The following MYOF variants were observed in gnomAD, a reference collection of about 807,000 sequenced individuals.
MYOF encodes myoferlin, also known as fer-1-like 3, myoferlin.
A neutral mutation model predicts 284.2 loss-of-function variants in MYOF; 244 were observed. The ratio of observed to expected loss-of-function variants is 0.86; its 90% CI spans 0.77 to 0.95. The LOEUF is 0.95. MYOF is among the 40% of genes least tolerant of loss of function. The pLI is 0.00. For missense variants in MYOF, 2,496 were observed against 2,560.6 expected, an observed-to-expected ratio of 0.97 and a Z score of 0.54; for synonymous variants, 904 against 919.7, an observed-to-expected ratio of 0.98 and a Z score of 0.31.
intron 3 of MYOF, among the ~76,000 whole-genome samples, chr10:93,437,744 A>C (rs1849194567): frequency 6.6e-6 from 1 of 152,050 alleles, no homozygotes; most frequent in Non-Finnish European, 1.5e-5. Context: ...GTGCCTTGTC[A>C]TTTTGGCAGG....
chr10:93,366,374 A>G lies in MYOF; in HGVS notation c.2753+18T>C, dbSNP rs756091520. On this transcript the variant is annotated intron_variant, in intron 26 of 53. Coordinates refer to ENST00000359263, the MANE Select transcript of MYOF (RefSeq NM_013451.4). ...GATTTCATTGCTATCCTTTTTACTC[A>G]GAAAATGGACAACTTACCTTCTTTC... 1 of 1,606,096 alleles carries G rather than the reference A, an allele frequency of 6.2e-7. No homozygotes were observed. The highest frequency in any genetic ancestry group is 1.7e-5 in the Admixed American group (1 of 57,230).
Position 93,426,066 on chromosome 10 carries a change from C to T in MYOF, c.433+5G>A. Reference sequence around the variant, plus strand: ...GTGGCTGGGCCTTCAGAAGGGTCAGCTTACCTCCCATGCCTGGCACGCTGG... The same window carrying T: ...GTGGCTGGGCCTTCAGAAGGGTCAGTTTACCTCCCATGCCTGGCACGCTGG... On this transcript the variant is annotated splice_donor_5th_base_variant and intron_variant, in intron 5 of 53. Transcript: ENST00000359263. The T allele has an allele frequency of 6.4e-7, 1 of 1,552,760 alleles. No individual in the cohort carries two copies.
rs1241207264 is a variant in MYOF at position 93,426,167 on chromosome 10, A to G, written c.346-9T>C. 2 of 1,553,628 alleles carry G rather than the reference A, an allele frequency of 1.3e-6. No homozygotes were observed. Among genetic ancestry groups the G allele is most frequent in the Non-Finnish European group, 1.7e-6 (2 of 1,147,934 alleles). On this transcript the variant is annotated splice_polypyrimidine_tract_variant and intron_variant, in intron 4 of 53. Coordinates refer to ENST00000359263, the MANE Select transcript of MYOF (RefSeq NM_013451.4). ...ACCAAGTCAATGGTGGCCTGGGTAGAAATAATTCGTTGCAAATATTATCAG... is the reference window on the plus strand; with the variant it reads ...ACCAAGTCAATGGTGGCCTGGGTAGGAATAATTCGTTGCAAATATTATCAG...
At position 93,404,203 on chromosome 10, in the gene MYOF, A is replaced by G; in HGVS notation, c.746T>C (p.Val249Ala). The change falls in exon 8 of 54, where the codon GTC becomes GCC. Residue 249 changes from valine (V) to alanine (A), a missense_variant. Coordinates refer to ENST00000359263, the MANE Select transcript of MYOF (RefSeq NM_013451.4). ...CATCAATTCAGAAGGGGTCATGTTGACATTGTAGAAAAACAACTGCCAAAA... is the reference window on the plus strand; with the variant it reads ...CATCAATTCAGAAGGGGTCATGTTGGCATTGTAGAAAAACAACTGCCAAAA... ...PFFDELFFYN[V>A]NMTPSELMDE... is the part of the protein sequence containing the mutation. The G allele has an allele frequency of 6.2e-7, 1 of 1,614,180 alleles. No homozygotes were observed. The highest frequency in any genetic ancestry group is 8.5e-7 in the Non-Finnish European group (1 of 1,180,028).
intron 29 of MYOF, among the ~76,000 whole-genome samples, chr10:93,358,381 G>C (rs1297813288): frequency 2.0e-5 from 3 of 152,200 alleles, no homozygotes; most frequent in Non-Finnish European, 4.4e-5. Context: ...CATTGTGGAA[G>C]ACAGTGTGGC....
intron 35 of MYOF, 21 bp downstream of exon 35, chr10:93,351,176 A>AAC: frequency 4.4e-6 from 7 of 1,608,098 alleles, no homozygotes; most frequent in Non-Finnish European, 5.1e-6. Flanking sequence ...TTTGATGAGT[A>AAC]ACACGTGGGG....
chr10:93,449,966 T>A (rs1331462177), intron 3 of MYOF, among the ~76,000 whole-genome samples: 1 of 152,038 alleles, frequency 6.6e-6, no homozygotes, highest in African/African-American at 2.4e-5. Context: ...AAGACCCCAA[T>A]AACTGGAGTG....
intron 3 of MYOF, among the ~76,000 whole-genome samples, chr10:93,442,149 G>A (rs926544604): frequency 1.3e-4 from 20 of 152,122 alleles, no homozygotes; most frequent in Admixed American, 1.3e-3. Flanking sequence ...ACAATTTAAT[G>A]AACCTCTTTC....
rs754080090 is a variant in MYOF, at chr10:93,351,518, G to A, written c.3717C>T (p.Asn1239=). The A allele has an allele frequency of 6.2e-7, 1 of 1,614,084 alleles. No homozygotes were observed. The highest frequency in any genetic ancestry group is 8.5e-7 in the Non-Finnish European group (1 of 1,180,054). The change falls in exon 34 of 54, where the codon AAC becomes AAT. Residue 1239 remains asparagine (N), a synonymous_variant. Coordinates refer to ENST00000359263, the MANE Select transcript of MYOF (RefSeq NM_013451.4). ...RSIFSPVVKL[N]SEMDITPKLL... ...GTTTGGGTGTGATGTCCATTTCTGA[G>A]TTCAGTTTCACCACAGGAGAGAAAA...
intron 5 of MYOF, among the ~76,000 whole-genome samples, chr10:93,416,526 A>T (rs946410338): frequency 1.3e-5 from 2 of 151,982 alleles, no homozygotes; most frequent in African/African-American, 4.8e-5. Context: ...CCATCTGAAG[A>T]AAAAAGAAAA....
chr10:93,366,542 G>A lies in MYOF; in HGVS notation c.2603C>T (p.Ala868Val), dbSNP rs1191389246. 1 of 1,604,916 alleles carries A rather than the reference G, an allele frequency of 6.2e-7. No individual in the cohort carries two copies. The highest frequency in any genetic ancestry group is 1.1e-5 in the South Asian group (1 of 89,454). Reference sequence around the variant, plus strand: ...AGTACCCCATTTTCCAAACATGAGAGCTTGATTTTCATACTATTAAAAAAG... The same window carrying A: ...AGTACCCCATTTTCCAAACATGAGAACTTGATTTTCATACTATTAAAAAAG... The part of the protein sequence containing the change: ...TVFAEMYENQ[A>V]LMFGKWGTSG... Residue 868 changes from alanine (A) to valine (V), a missense_variant, in exon 26 of 54, where the codon GCT becomes GTT. By Grantham distance (64) the Ala-to-Val change is moderately conservative. Around this residue, in one of 3 missense-constraint regions of MYOF, gnomAD observed 2,436 missense variants for 2,480.7 expected, o/e 0.98. Transcript: ENST00000359263.
chr10:93,312,881 A>G, intron 51 of MYOF, 139 bp downstream of exon 51: 3 of 882,298 alleles, frequency 3.4e-6, no homozygotes, highest in Non-Finnish European at 5.1e-6. Flanking sequence ...TATCCCAAAG[A>G]CAAACTGTTC....
At chr10:93,368,085 C>T (rs1198747836) in intron 25 of MYOF, among the ~76,000 whole-genome samples, 1 of 151,930 alleles carries the variant, frequency 6.6e-6, no homozygotes, top group East Asian at 1.9e-4. Context: ...CAGTTTAGAC[C>T]CAGCCACAGA....
chr10:93,347,895 C>CG (rs1396768824), intron 36 of MYOF, 113 bp from the exon 37 acceptor site: 2 of 1,047,306 alleles, frequency 1.9e-6, no homozygotes, highest in African/African-American at 3.2e-5. Flanking sequence ...CCAGAGGACT[C>CG]GCAATAGTTC....
intron 7 of MYOF, among the ~76,000 whole-genome samples, chr10:93,406,423 A>G (rs1260475023): frequency 6.7e-6 from 1 of 149,804 alleles, no homozygotes; most frequent in Non-Finnish European, 1.5e-5. Flanking sequence ...CCTCAAACTC[A>G]TTAAAATGGG....
At chr10:93,441,075 C>A (rs1184090587) in intron 3 of MYOF, among the ~76,000 whole-genome samples, 1 of 152,168 alleles carries the variant, frequency 6.6e-6, no homozygotes, top group South Asian at 2.1e-4. Context: ...GATTTTTGTA[C>A]AGCCTGAGAA....
chr10:93,351,042 T>TA (rs1248495791), intron 35 of MYOF, among the ~76,000 whole-genome samples, 155 bp downstream of exon 35: 1 of 152,202 alleles, frequency 6.6e-6, no homozygotes, highest in African/African-American at 2.4e-5. Context: ...ACAAGCCTTC[T>TA]ACTCCCATGA....
intron 3 of MYOF, among the ~76,000 whole-genome samples, chr10:93,443,926 C>A (rs761727021): frequency 5.3e-5 from 8 of 152,184 alleles, no homozygotes; most frequent in Non-Finnish European, 1.2e-4. Flanking sequence ...GGTCTCTAAT[C>A]GGCTTCTGCC....
At chr10:93,309,920 G>A (rs899995758) in intron 53 of MYOF, 100 bp downstream of exon 53, 134 of 1,421,642 alleles carry the variant, frequency 9.4e-5, no homozygotes, top group Admixed American at 4.0e-4. Context: ...GCTGCTGAGC[G>A]GGTCATTCTT....
Sources: gnomAD v4.1 joint callset for allele counts (sites outside exome capture counted in the v4.1 genomes callset) on GRCh38, gnomAD v4.1.1 for gene constraint, gnomAD v4.1.1 regional missense constraint, MANE v1.5 for transcripts, NCBI Gene and HGNC (gene_info 2026-07-23, HGNC 2026-07-21) for gene names.